SGK1: variants seen among roughly 807,000 people sequenced by gnomAD.
SGK1 encodes serine/threonine-protein kinase Sgk1.
SGK1 carries 26 observed loss-of-function variants against 64.2 expected under a neutral mutation model. The ratio of observed to expected loss-of-function variants is 0.40; its 90% CI spans 0.30 to 0.56. SGK1 has a LOEUF of 0.56. SGK1 is among the 20% of genes least tolerant of loss of function. The pLI is 0.38. For synonymous variants in SGK1, 265 were observed against 239.7 expected, an observed-to-expected ratio of 1.11 and a Z score of -0.98; for missense variants, 519 against 645.6, an observed-to-expected ratio of 0.80 and a Z score of 2.12.
At chr6:134,198,726 ATTTTTT>A (rs1178699258) in intron 3 of SGK1, among the ~76,000 whole-genome samples, 2 of 101,788 alleles carry the variant, frequency 2.0e-5, no homozygotes, top group African/African-American at 7.4e-5. Flanking sequence ...CTCTTTTTCT[ATTTTTT>A]TTTTTTTTTT....
chr6:134,304,728 A>G (rs970190671), intron 1 of SGK1, among the ~76,000 whole-genome samples: 1 of 152,166 alleles, frequency 6.6e-6, no homozygotes, highest in African/African-American at 2.4e-5. Context: ...AAAGAGAAAG[A>G]AAAGGAAAGA....
Position 134,197,901 on chromosome 6 carries a change from TATAAAATAAA to T in SGK1, c.361+9445_361+9454del, listed in dbSNP as rs145281267. Among the ~76,000 whole-genome samples, 320 of 36,736 alleles carry T rather than the reference TATAAAATAAA, an allele frequency of 8.7e-3. 5 individuals are homozygous for T. Among genetic ancestry groups the T allele is most frequent in the East Asian group, 0.078 (272 of 3,502 alleles). The allele number at this position is 36,736 out of a possible 152,430, so 24.1% of individuals were successfully genotyped here. On this transcript the variant is annotated intron_variant, in intron 3 of 13. Coordinates refer to ENST00000367858, the MANE Select transcript of SGK1 (RefSeq NM_001143676.3). Reference sequence around the variant, plus strand: ...AAATATAAAATAAAATAAAATAAAATATAAAATAAAATAAAATAAAATAAAATAGCAAAAA... The same window carrying T: ...AAATATAAAATAAAATAAAATAAAATATAAAATAAAATAAAATAGCAAAAA...
At chr6:134,174,183 T>G in intron 4 of SGK1, 103 bp from the exon 5 acceptor site, 1 of 806,876 alleles carries the variant, frequency 1.2e-6, no homozygotes, top group Non-Finnish European at 2.0e-6. Flanking sequence ...CCCGGATAAT[T>G]CACTGTTTAA....
At chr6:134,284,608 C>T (rs866301720) in intron 1 of SGK1, among the ~76,000 whole-genome samples, 10 of 152,038 alleles carry the variant, frequency 6.6e-5, no homozygotes, top group Middle Eastern at 3.4e-3. Flanking sequence ...CCTCAACCTC[C>T]TAAGTAGCTG....
intron 5 of SGK1, 57 bp from the exon 6 acceptor site, chr6:134,173,623 A>G: frequency 8.4e-7 from 1 of 1,189,874 alleles, no homozygotes; most frequent in South Asian, 1.4e-5. Context: ...GAAGACATCT[A>G]TAACATAAAC....
chr6:134,287,590 A>G (rs1273803970), intron 1 of SGK1, among the ~76,000 whole-genome samples: 5 of 150,854 alleles, frequency 3.3e-5, no homozygotes, highest in Non-Finnish European at 7.4e-5. Context: ...TTGGTTTTTT[A>G]TATTTAATAT....
intron 2 of SGK1, chr6:134,260,185 A>G (rs775860024): frequency 6.7e-6 from 1 of 149,440 alleles, no homozygotes. Flanking sequence ...TACAAAAAAA[A>G]TTTTTTTTTT....
intron 5 of SGK1, 141 bp from the exon 6 acceptor site, chr6:134,173,707 T>A: frequency 1.6e-6 from 1 of 639,246 alleles, no homozygotes; most frequent in Admixed American, 3.2e-5. Flanking sequence ...AAACTACATT[T>A]CATCACATTT....
At chr6:134,246,895 A>G (rs1449497693) in intron 2 of SGK1, among the ~76,000 whole-genome samples, 1 of 152,196 alleles carries the variant, frequency 6.6e-6, no homozygotes, top group Admixed American at 6.5e-5. Flanking sequence ...TCGTATTATG[A>G]TTCATTTTAT....
At chr6:134,241,357 T>C (rs1024816491) in intron 2 of SGK1, among the ~76,000 whole-genome samples, 20 of 151,936 alleles carry the variant, frequency 1.3e-4, no homozygotes, top group Non-Finnish European at 2.2e-4. Context: ...GCTCTGAAGA[T>C]GTTTTTTTCT....
chr6:134,175,997 A>AT, intron 3 of SGK1: 1 of 1,065,776 alleles, frequency 9.4e-7, no homozygotes, highest in Non-Finnish European at 1.1e-6. Context: ...TCTGCATTTC[A>AT]CTTTTTTTTT....
At chr6:134,237,572 G>A (rs1776384410) in intron 2 of SGK1, among the ~76,000 whole-genome samples, 1 of 152,100 alleles carries the variant, frequency 6.6e-6, no homozygotes, top group Non-Finnish European at 1.5e-5. Context: ...AGCTACTCAG[G>A]AGGCAGAGGG....
chr6:134,259,477 TA>T (rs35942047), intron 2 of SGK1, among the ~76,000 whole-genome samples: 35,851 of 135,358 alleles, frequency 0.26, 5,198 homozygotes, highest in South Asian at 0.45. Flanking sequence ...CCATCTCTAC[TA>T]AAAAAAAAAA....
intron 3 of SGK1, among the ~76,000 whole-genome samples, chr6:134,189,151 A>G (rs996633693): frequency 2.0e-5 from 3 of 151,450 alleles, no homozygotes; most frequent in Non-Finnish European, 4.4e-5. Flanking sequence ...GGATTGTTTG[A>G]TGGTTTGGGG....
chr6:134,282,616 G>T (rs570002048), intron 1 of SGK1, among the ~76,000 whole-genome samples: 4 of 150,892 alleles, frequency 2.7e-5, no homozygotes, highest in Admixed American at 1.3e-4. Context: ...TCACACCACC[G>T]CACTCCAGCC....
At chr6:134,175,545 C>T in intron 3 of SGK1, 2 of 1,518,884 alleles carry the variant, frequency 1.3e-6, no homozygotes, top group Non-Finnish European at 1.8e-6. Flanking sequence ...GGCGCTTACC[C>T]AGTCCGCTCA....
intron 2 of SGK1, among the ~76,000 whole-genome samples, chr6:134,232,439 G>GAAAGAAAGAAAGAAAGAA (rs1776299343): frequency 1.8e-4 from 5 of 27,966 alleles, no homozygotes; most frequent in Non-Finnish European, 3.2e-4. Flanking sequence ...AAGAAAGAAA[G>GAAAGAAAGAAAGAAAGAA]AAAGAAAGAA....
intron 3 of SGK1, among the ~76,000 whole-genome samples, chr6:134,176,625 G>T (rs1222790800): frequency 3.3e-5 from 5 of 152,214 alleles, no homozygotes; most frequent in Non-Finnish European, 5.9e-5. Context: ...TGCGGTGGCT[G>T]CCCTGCCATG....
At position 134,303,425 on chromosome 6, in the gene SGK1, C is replaced by T. The variant is rs1777489041; in HGVS notation, c.69+13967G>A. 4.6e-5 allele frequency among the ~76,000 whole-genome samples: 7 copies of T among 151,242 alleles called. No homozygotes were observed. In the Admixed American group the frequency reaches 4.6e-4, roughly 10 times the overall value. On this transcript the variant is annotated intron_variant, in intron 1 of 13. Coordinates refer to ENST00000367858, the MANE Select transcript of SGK1 (RefSeq NM_001143676.3). ...AAAAGAAAAAAAAAGATAGTTAAGG[C>T]TTAGAATATTAAATGCCTTGCCCGA...
Sources: allele counts gnomAD v4.1 joint callset (sites outside exome capture counted in the v4.1 genomes callset), GRCh38; gene constraint gnomAD v4.1.1; transcripts MANE v1.5; gene names NCBI Gene and HGNC (gene_info 2026-07-23, HGNC 2026-07-21).